SEMA4D: variants seen among roughly 807,000 people sequenced by gnomAD.
The protein encoded by SEMA4D is semaphorin 4D.
Under a neutral mutation model 74.8 loss-of-function variants are expected in SEMA4D, and 22 were observed. The observed-to-expected ratio is 0.29, with a 90% CI of 0.21 to 0.42. SEMA4D has a LOEUF of 0.42. SEMA4D is among the 10% of genes least tolerant of loss of function. The pLI, the probability that SEMA4D is intolerant of heterozygous loss-of-function variation, is 1.00. For missense variants in SEMA4D, 937 were observed against 1,118.4 expected (o/e 0.84, Z 2.31); for synonymous variants, 445 against 463.7 (o/e 0.96, Z 0.52).
In SEMA4D at chr9:89,388,880, G is replaced by A. The variant is rs1455041516; in HGVS notation, c.942C>T (p.Thr314=). Residue 314 remains threonine, a synonymous_variant, in exon 10 of 16, where the codon ACC becomes ACT. Transcript: ENST00000422704. The stretch of plus-strand genomic sequence containing the variant: ...CCACCCAGGGCACTTACAGCTGTGG[G>A]GTGAAGAGTGCATAGAACACAGGCA... ...LKVPVFYALF[T]PQLNNVGLSA... 3.1e-6 allele frequency: 5 copies of A among 1,613,958 alleles called. No homozygotes were observed. In the Admixed American group the frequency reaches 6.7e-5, roughly 22 times the overall value.
At chr9:89,387,885 T>G (rs1588220991) in intron 11 of SEMA4D, among the ~76,000 whole-genome samples, 1 of 152,340 alleles carries the variant, frequency 6.6e-6, no homozygotes, top group Middle Eastern at 3.4e-3. Flanking sequence ...TGAAAAACAC[T>G]TATTGAGCTT....
exon 17 of SEMA4D, chr9:89,363,821 T>C (rs1276660359): frequency 6.2e-7 from 1 of 1,614,036 alleles, no homozygotes; most frequent in African/African-American, 1.3e-5. Context: ...CTCAGCGCTT[T>C]CCCTGATGGC....
chr9:89,385,666 A>G, intron 13 of SEMA4D: 1 of 731,702 alleles, frequency 1.4e-6, no homozygotes, highest in Non-Finnish European at 1.7e-6. Context: ...GGAAGAGGAC[A>G]GAAGACCTGG....
rs1839204369 is a variant in SEMA4D at position 89,389,006 on chromosome 9, G to A, written c.816C>T (p.Thr272=). 6.2e-7 allele frequency: 1 copy of A among 1,614,078 alleles called. No homozygotes were observed. Among genetic ancestry groups the A allele is most frequent in the Non-Finnish European group, 8.5e-7 (1 of 1,180,022 alleles). The change falls in exon 10 of 16, where the codon ACC becomes ACT. Residue 272 remains threonine, a synonymous_variant. Transcript: ENST00000422704. ...AGATGAGTCGGGCTTTCAGGAAGGAGGTCCATTTCTTCTGCAAGGTCCTCA... is the reference window on the plus strand; with the variant it reads ...AGATGAGTCGGGCTTTCAGGAAGGAAGTCCATTTCTTCTGCAAGGTCCTCA... The part of the protein sequence containing the change: ...GGLRTLQKKW[T]SFLKARLICS...
chr9:89,385,338 G>C (rs999311795), intron 13 of SEMA4D: 10 of 985,236 alleles, frequency 1.0e-5, no homozygotes, highest in African/African-American at 1.7e-5. Context: ...AGATGTTGTA[G>C]GTGCCTGCCC....
chr9:89,497,051 C>A (rs1391051455), intron 1 of SEMA4D, among the ~76,000 whole-genome samples: 1 of 152,220 alleles, frequency 6.6e-6, no homozygotes, highest in Non-Finnish European at 1.5e-5. Context: ...ACCCAGCCCT[C>A]GACACCAGGC....
intron 1 of SEMA4D, among the ~76,000 whole-genome samples, chr9:89,461,754 G>A (rs1056049567): frequency 7.3e-6 from 1 of 136,074 alleles, no homozygotes; most frequent in Non-Finnish European, 1.5e-5. Flanking sequence ...CCAGGCTGGA[G>A]TGCAGTGGTG....
chr9:89,373,215 G>A (rs1232600785), downstream of SEMA4D, among the ~76,000 whole-genome samples: 2 of 152,146 alleles, frequency 1.3e-5, no homozygotes, highest in African/African-American at 2.4e-5. Flanking sequence ...ACCCCACGTT[G>A]GGCCCTTGTG....
At chr9:89,422,953 C>CTGTCAGCAATG (rs145024847) in intron 2 of SEMA4D, among the ~76,000 whole-genome samples, 1 of 152,022 alleles carries the variant, frequency 6.6e-6, no homozygotes, top group Non-Finnish European at 1.5e-5. Context: ...ATTTTAGAGA[C>CTGTCAGCAATG]TGTCAGCAAT....
chr9:89,446,887 G>A (rs1405702935), intron 2 of SEMA4D, among the ~76,000 whole-genome samples: 1 of 152,140 alleles, frequency 6.6e-6, no homozygotes, highest in Non-Finnish European at 1.5e-5. Context: ...CGGAGGACTC[G>A]AAGTCTCAGC....
intron 6 of SEMA4D, among the ~76,000 whole-genome samples, chr9:89,394,754 T>A (rs1348564201): frequency 3.9e-5 from 6 of 152,210 alleles, no homozygotes; most frequent in Non-Finnish European, 8.8e-5. Flanking sequence ...CCTGTTAGGT[T>A]AGGGAATGTG....
intron 2 of SEMA4D, among the ~76,000 whole-genome samples, chr9:89,453,178 G>A (rs1477747959): frequency 6.6e-6 from 1 of 152,204 alleles, no homozygotes; most frequent in African/African-American, 2.4e-5. Context: ...TCCAAGCAGT[G>A]GGGCACACTC....
chr9:89,449,929 C>A, intron 2 of SEMA4D: 3 of 1,471,432 alleles, frequency 2.0e-6, no homozygotes, highest in Non-Finnish European at 2.8e-6. Flanking sequence ...GTAGCTCGTA[C>A]TTTTCTGACT....
At chr9:89,380,414 C>T (rs977846689) in intron 15 of SEMA4D, among the ~76,000 whole-genome samples, 2 of 152,202 alleles carry the variant, frequency 1.3e-5, no homozygotes, top group Non-Finnish European at 2.9e-5. Flanking sequence ...CTCACTGAGC[C>T]TTGAACCCCT....
At chr9:89,370,353 TGTG>T (rs199555574) in intron 16 of SEMA4D, among the ~76,000 whole-genome samples, 7,194 of 144,330 alleles carry the variant, frequency 0.05, 175 homozygotes, top group Middle Eastern at 0.063. Flanking sequence ...TGGTGTATAT[TGTG>T]GTGTATCTGT....
rs1854050001 is a variant in SEMA4D, at chr9:89,450,311, C to T, written c.-244+5577G>A. 3.2e-6 allele frequency: 3 copies of T among 923,714 alleles called. No homozygotes were observed. In the East Asian group the frequency reaches 7.2e-5, roughly 22 times the overall value. The allele number at this position is 923,714 out of a possible 1,614,324, so 57.2% of individuals were successfully genotyped here. A position where few individuals can be genotyped will look rare whatever the true frequency, so the allele number is the denominator to read the frequency against. Reference sequence around the variant, plus strand: ...GAACCACTATGTACAAATGAGACCCCTCCAAACAGTATGGACTGAAAATGA... The same window carrying T: ...GAACCACTATGTACAAATGAGACCCTTCCAAACAGTATGGACTGAAAATGA... On this transcript the variant is annotated intron_variant, in intron 2 of 15. Coordinates refer to ENST00000422704, the MANE Select transcript of SEMA4D (RefSeq NM_001371194.2).
intron 1 of SEMA4D, among the ~76,000 whole-genome samples, chr9:89,471,630 A>G (rs887271769): frequency 7.4e-6 from 1 of 134,286 alleles, no homozygotes; most frequent in Non-Finnish European, 1.6e-5. Flanking sequence ...AGGTGCATAC[A>G]GGCTGAGGTG....
At position 89,381,286 on chromosome 9, in the gene SEMA4D, A is replaced by C; in HGVS notation, c.1507T>G (p.Cys503Gly). The change falls in exon 14 of 16, where the codon TGT (cysteine) becomes GGT (glycine). Residue 503 changes from cysteine (C) to glycine (G), a missense_variant. Transcript: ENST00000422704. The surrounding 1 kb of genome is among the most constrained non-coding windows in gnomAD (Gnocchi z 4.6). Reference sequence around the variant, plus strand: ...TCCTCGCAGGTGCCGTGCTTCCCACAGAAGGCCAGCGGGGCCTGGACCACG... The same window carrying C: ...TCCTCGCAGGTGCCGTGCTTCCCACCGAAGGCCAGCGGGGCCTGGACCACG... ...SGVVQAPLAF[C>G]GKHGTCEDCV... 2 of 1,580,908 alleles carry C rather than the reference A, an allele frequency of 1.3e-6. No individual in the cohort carries two copies. The highest frequency in any genetic ancestry group is 1.7e-6 in the Non-Finnish European group (2 of 1,160,368).
intron 2 of SEMA4D, among the ~76,000 whole-genome samples, chr9:89,426,958 C>A (rs1261047745): frequency 2.0e-5 from 3 of 152,190 alleles, no homozygotes; most frequent in Non-Finnish European, 4.4e-5. Context: ...CACACCTGTG[C>A]CCTAGGTCTG....
Sources: gnomAD v4.1 joint callset for allele counts (sites outside exome capture counted in the v4.1 genomes callset) on GRCh38, gnomAD v4.1.1 for gene constraint, Gnocchi (gnomAD v3.1) non-coding constraint, MANE v1.5 for transcripts, NCBI Gene and HGNC (gene_info 2026-07-23, HGNC 2026-07-21) for gene names.